LAMA4: variants seen among roughly 807,000 people sequenced by gnomAD.
LAMA4 encodes laminin subunit alpha 4.
A neutral mutation model predicts 207.1 loss-of-function variants in LAMA4; 127 were observed. The observed-to-expected ratio is 0.61, with a 90% CI of 0.53 to 0.71. The LOEUF (loss-of-function observed/expected upper bound fraction) is 0.71, where lower values mean the gene tolerates loss of function less well. Ranked by LOEUF, LAMA4 falls within the 30% of genes least tolerant of loss-of-function variation. LAMA4 has a pLI of 0.00. For missense variants in LAMA4, 2,093 were observed against 2,246.5 expected (o/e 0.93, Z 1.38); for synonymous variants, 761 against 816.0 (o/e 0.93, Z 1.15).
chr6:112,130,749 G>A (rs1199902226), intron 29 of LAMA4, among the ~76,000 whole-genome samples: 1 of 152,050 alleles, frequency 6.6e-6, no homozygotes, highest in African/African-American at 2.4e-5. Flanking sequence ...ACTGGAAAAA[G>A]AACCCTTATA....
At chr6:112,235,888 G>A (rs12206703) in intron 2 of LAMA4, among the ~76,000 whole-genome samples, 4 of 152,004 alleles carry the variant, frequency 2.6e-5, no homozygotes, top group Non-Finnish European at 5.9e-5. Context: ...GCATGATTTG[G>A]TTATAAATTA....
chr6:112,194,533 C>T (rs905536464), intron 5 of LAMA4, among the ~76,000 whole-genome samples: 3 of 152,108 alleles, frequency 2.0e-5, no homozygotes, highest in Non-Finnish European at 2.9e-5. Flanking sequence ...ATGGATTTAA[C>T]AAAATGAGCA....
In LAMA4 at chr6:112,191,658, G is replaced by C. The variant is rs1783127348; in HGVS notation, c.696C>G (p.Ala232=). The C allele has an allele frequency of 6.2e-7, 1 of 1,613,726 alleles. No homozygotes were observed. The highest frequency in any genetic ancestry group is 1.3e-5 in the African/African-American group (1 of 74,924). The change falls in exon 6 of 39, where the codon GCC becomes GCG. Residue 232 remains alanine (A), a synonymous_variant. Coordinates refer to ENST00000230538, the MANE Select transcript of LAMA4 (RefSeq NM_001105206.3). ...ERCAPGYYGD[A]RIAKNCAVCN... is the part of the protein sequence containing the mutation. ...CACCTGCACAGTTCTTGGCTATCCTGGCGTCCCCATAGTAGCCAGGAGCGC... is the reference window on the plus strand; with the variant it reads ...CACCTGCACAGTTCTTGGCTATCCTCGCGTCCCCATAGTAGCCAGGAGCGC...
intron 2 of LAMA4, among the ~76,000 whole-genome samples, chr6:112,230,786 C>T (rs1349225262): frequency 6.6e-6 from 1 of 152,192 alleles, no homozygotes; most frequent in African/African-American, 2.4e-5. Context: ...TCCTCAGTGC[C>T]TTCATAGAGC....
chr6:112,134,892 T>C (rs1334231988), intron 25 of LAMA4, among the ~76,000 whole-genome samples: 1 of 150,948 alleles, frequency 6.6e-6, no homozygotes, highest in African/African-American at 2.4e-5. Context: ...TCCTGCTCCT[T>C]CTGAGAGGAT....
intron 2 of LAMA4, among the ~76,000 whole-genome samples, chr6:112,223,878 G>A (rs1554361429): frequency 6.6e-6 from 1 of 152,218 alleles, no homozygotes; most frequent in African/African-American, 2.4e-5. Context: ...CTTACTCTCA[G>A]CAGCTAATCC....
intron 3 of LAMA4, among the ~76,000 whole-genome samples, chr6:112,211,938 G>A (rs1554356794): frequency 6.6e-6 from 1 of 152,148 alleles, no homozygotes; most frequent in Non-Finnish European, 1.5e-5. Flanking sequence ...AGCAGGGGAT[G>A]GATGATGAGT....
Position 112,109,255 on chromosome 6 carries a change from A to G in LAMA4, c.*182T>C. 5.7e-6 allele frequency: 4 copies of G among 706,016 alleles called. 1 individual carries two copies. The South Asian group carries it at 7.1e-5, about 13-fold the overall frequency. 43.7% of individuals were successfully genotyped at this position (706,016 alleles called of 1,614,324 possible). ...TTGTTGTCCATTGCAGACACTTTGG[A>G]TTCAAGGTTAAGAATCCAAATGAGA... On this transcript the variant is annotated 3_prime_UTR_variant, in exon 39 of 39. Transcript: ENST00000230538.
Position 112,117,572 on chromosome 6 carries a change from T to C in LAMA4, c.4981+167A>G, listed in dbSNP as rs587609479. ...AGTATACAGGGATGGGGACTGCATG[T>C]ATGGTTTGGAGTGCAGGAGGGAGAA... On this transcript the variant is annotated intron_variant, in intron 35 of 38. Coordinates refer to ENST00000230538, the MANE Select transcript of LAMA4 (RefSeq NM_001105206.3). This position sits in a 1 kb window ranked among gnomAD's most constrained non-coding sequence, Gnocchi z 4.5. 3.9e-5 allele frequency among the ~76,000 whole-genome samples: 6 copies of C among 152,044 alleles called. No homozygotes were observed. The highest frequency in any genetic ancestry group is 1.4e-4 in the African/African-American group (6 of 41,382).
intron 2 of LAMA4, among the ~76,000 whole-genome samples, chr6:112,239,199 T>C (rs1554367177): frequency 3.3e-5 from 5 of 151,798 alleles, no homozygotes. Flanking sequence ...CAGGCACCTG[T>C]AGTCCCAGCT....
intron 12 of LAMA4, among the ~76,000 whole-genome samples, chr6:112,170,907 C>T (rs115476011): frequency 0.016 from 2,374 of 152,212 alleles, 60 homozygotes; most frequent in African/African-American, 0.052. Context: ...AAAGAAAAAG[C>T]GGTTTCCATT....
Position 112,187,541 on chromosome 6 carries a change from T to A in LAMA4, c.875A>T (p.Glu292Val), listed in dbSNP as rs782729337. 3 of 1,614,110 alleles carry A rather than the reference T, an allele frequency of 1.9e-6. No homozygotes were observed. The highest frequency in any genetic ancestry group is 2.5e-6 in the Non-Finnish European group (3 of 1,179,990). Residue 292 changes from glutamate to valine, a missense_variant, in exon 8 of 39, where the codon GAG becomes GTG. Physicochemically the swap from Glu to Val is moderately radical, Grantham distance 121 (BLOSUM62 -2). This residue lies in a region of LAMA4 where 1,704 missense variants were observed against 1,788.4 expected (regional missense o/e 0.95). Transcript: ENST00000230538. ...GCTCAGCACCCCGGATTTGCCTTCC[T>A]CGATGGAGAGCGCTGCTAACCGCAG... Reference protein sequence around the residue: ...DDLRLAALSIEEGKSGVLSVS... With the variant: ...DDLRLAALSIVEGKSGVLSVS...
intron 6 of LAMA4, among the ~76,000 whole-genome samples, chr6:112,190,044 C>G (rs1364042877): frequency 6.6e-6 from 1 of 152,152 alleles, no homozygotes; most frequent in African/African-American, 2.4e-5. Flanking sequence ...ATCATAAAAA[C>G]CAGGTTCATG....
At chr6:112,136,338 T>C in intron 24 of LAMA4, 84 bp from the exon 25 acceptor site, 1 of 1,040,588 alleles carries the variant, frequency 9.6e-7, no homozygotes, top group Non-Finnish European at 1.5e-6. Flanking sequence ...AATAAGACTG[T>C]ATTCTTTATT....
chr6:112,245,299 G>C (rs1786829462), intron 2 of LAMA4, among the ~76,000 whole-genome samples: 1 of 152,194 alleles, frequency 6.6e-6, no homozygotes, highest in South Asian at 2.1e-4. Context: ...TCTGTGTTGT[G>C]ATTCTAGAGG....
At chr6:112,119,788 C>A (rs2114586745) in intron 33 of LAMA4, among the ~76,000 whole-genome samples, 1 of 152,274 alleles carries the variant, frequency 6.6e-6, no homozygotes, top group East Asian at 1.9e-4. Context: ...ACAGAACAGG[C>A]CATATGTTCT....
intron 6 of LAMA4, 34 bp from the exon 7 acceptor site, chr6:112,189,239 A>C: frequency 6.9e-7 from 1 of 1,441,548 alleles, no homozygotes; most frequent in Non-Finnish European, 9.8e-7. Flanking sequence ...CGAGAAATGC[A>C]CTTCTTAATG....
At chr6:112,139,037 G>A in intron 24 of LAMA4, 83 bp downstream of exon 24, 1 of 1,340,558 alleles carries the variant, frequency 7.5e-7, no homozygotes, top group South Asian at 1.2e-5. Flanking sequence ...TGACACACTA[G>A]ACCTGGGAAG....
At chr6:112,147,403 T>C (rs868907923) in intron 18 of LAMA4, among the ~76,000 whole-genome samples, 67 of 152,214 alleles carry the variant, frequency 4.4e-4, no homozygotes, top group African/African-American at 1.5e-3. Context: ...TATGGATTTA[T>C]GACCTTTCTT....
Sources: gnomAD v4.1 joint callset for allele counts (sites outside exome capture counted in the v4.1 genomes callset) on GRCh38, gnomAD v4.1.1 for gene constraint, gnomAD v4.1.1 regional missense constraint, Gnocchi (gnomAD v3.1) non-coding constraint, MANE v1.5 for transcripts, NCBI Gene and HGNC (gene_info 2026-07-23, HGNC 2026-07-21) for gene names.